The following PCDH7 variants were observed in gnomAD, a reference collection of about 807,000 sequenced individuals.
The protein encoded by PCDH7 is protocadherin-7.
In PCDH7, 17 loss-of-function variants were observed where a neutral mutation model predicts 58.9. The ratio of observed to expected loss-of-function variants is 0.29; its 90% CI spans 0.20 to 0.43. PCDH7 has a LOEUF of 0.43. PCDH7 is among the 20% of genes least tolerant of loss of function. PCDH7 has a pLI of 1.00. For missense variants in PCDH7, 1,274 were observed against 1,441.0 expected (o/e 0.88, Z 1.88); for synonymous variants, 664 against 616.4 (o/e 1.08, Z -1.14).
intron 1 of PCDH7, among the ~76,000 whole-genome samples, chr4:30,726,068 C>A (rs1159321672): frequency 3.3e-5 from 5 of 151,990 alleles, no homozygotes; most frequent in Non-Finnish European, 7.4e-5. Context: ...TTTAAACCAA[C>A]ATTTGACATA....
chr4:31,055,826 C>T (rs1214175702), intron 3 of PCDH7, among the ~76,000 whole-genome samples: 4 of 152,044 alleles, frequency 2.6e-5, no homozygotes, highest in African/African-American at 7.2e-5. Context: ...ATCCACCCAC[C>T]TCGGCCTCCC....
intron 3 of PCDH7, among the ~76,000 whole-genome samples, chr4:31,079,390 T>G (rs1298962802): frequency 7.7e-6 from 1 of 129,852 alleles, no homozygotes; most frequent in Non-Finnish European, 1.6e-5. Flanking sequence ...ATAGACAGAA[T>G]AGCAGTGGAT....
intron 3 of PCDH7, among the ~76,000 whole-genome samples, chr4:31,026,709 T>A (rs143792559): frequency 1.3e-5 from 2 of 152,276 alleles, no homozygotes; most frequent in African/African-American, 2.4e-5. Flanking sequence ...ACACCTCTTA[T>A]TTTTGCCATA....
chr4:30,967,801 C>A (rs73214957), intron 3 of PCDH7, among the ~76,000 whole-genome samples: 1 of 152,042 alleles, frequency 6.6e-6, no homozygotes, highest in African/African-American at 2.4e-5. Context: ...ACATTTAGTA[C>A]CCAATCTATA....
chr4:31,071,752 A>G (rs1758557941), intron 3 of PCDH7, among the ~76,000 whole-genome samples: 1 of 151,902 alleles, frequency 6.6e-6, no homozygotes, highest in African/African-American at 2.4e-5. Context: ...CTCGCATTTC[A>G]TTTAGGTTTA....
At chr4:31,024,111 T>G (rs1418492724) in intron 3 of PCDH7, among the ~76,000 whole-genome samples, 3 of 152,060 alleles carry the variant, frequency 2.0e-5, no homozygotes, top group Non-Finnish European at 4.4e-5. Context: ...TTGAAGAGAG[T>G]TCTGTGTTTG....
intron 3 of PCDH7, among the ~76,000 whole-genome samples, chr4:31,064,900 T>A (rs2109243409): frequency 1.3e-5 from 2 of 152,146 alleles, no homozygotes; most frequent in South Asian, 4.1e-4. Flanking sequence ...AGAATTTTAG[T>A]TCATATATTA....
intron 3 of PCDH7, among the ~76,000 whole-genome samples, chr4:30,968,417 G>A (rs73815119): frequency 4.8e-5 from 1 of 20,942 alleles, no homozygotes; most frequent in Admixed American, 6.0e-4. Context: ...TATATATATG[G>A]GATATTATGT....
At chr4:30,978,261 G>A (rs760150494) in intron 3 of PCDH7, among the ~76,000 whole-genome samples, 6 of 152,148 alleles carry the variant, frequency 3.9e-5, no homozygotes, top group Admixed American at 1.3e-4. Context: ...AATGCTGGGC[G>A]TGACCTTGGA....
intron 3 of PCDH7, among the ~76,000 whole-genome samples, chr4:30,984,803 T>G (rs977216201): frequency 2.0e-5 from 3 of 152,130 alleles, no homozygotes; most frequent in Non-Finnish European, 2.9e-5. Context: ...AATAAAATGT[T>G]TATCTTAGAG....
At chr4:31,128,105 GTATATATATACACA>G (rs1443649548) in intron 3 of PCDH7, among the ~76,000 whole-genome samples, 2 of 150,038 alleles carry the variant, frequency 1.3e-5, no homozygotes, top group African/African-American at 4.9e-5. Context: ...GTATATATGT[GTATATATATACACA>G]TATATATGTA....
intron 3 of PCDH7, among the ~76,000 whole-genome samples, chr4:31,075,872 T>C (rs1185669411): frequency 6.6e-6 from 1 of 152,152 alleles, no homozygotes; most frequent in Admixed American, 6.5e-5. Context: ...TCAGTGTATC[T>C]CCATATATCC....
At chr4:30,735,361 G>A (rs1347002826), downstream of PCDH7, among the ~76,000 whole-genome samples, 1 of 152,044 alleles carries the variant, frequency 6.6e-6, no homozygotes, top group Non-Finnish European at 1.5e-5. Context: ...AGGTGAGGCG[G>A]GGCATATCTT....
intron 3 of PCDH7, among the ~76,000 whole-genome samples, chr4:30,980,289 A>G (rs1303460074): frequency 6.6e-6 from 1 of 152,238 alleles, no homozygotes. Flanking sequence ...TAAAGTCACA[A>G]TAATCTGAAA....
chr4:31,128,660 C>A (rs948417550), intron 3 of PCDH7, among the ~76,000 whole-genome samples: 1 of 152,128 alleles, frequency 6.6e-6, no homozygotes, highest in Non-Finnish European at 1.5e-5. Context: ...CAGGTTAGTT[C>A]ATGTGTATTT....
chr4:31,082,977 G>A (rs899458663), intron 3 of PCDH7, among the ~76,000 whole-genome samples: 4 of 152,124 alleles, frequency 2.6e-5, no homozygotes, highest in South Asian at 2.1e-4. Flanking sequence ...GTGTGGTGGT[G>A]GGCACCTGTA....
intron 3 of PCDH7, among the ~76,000 whole-genome samples, chr4:31,056,109 A>G (rs974182442): frequency 7.9e-5 from 12 of 151,928 alleles, no homozygotes; most frequent in Non-Finnish European, 1.5e-4. Context: ...TGGCTCATGC[A>G]TGTAATCTCA....
chr4:30,907,398 C>A (rs1284699382), intron 1 of PCDH7, among the ~76,000 whole-genome samples: 1 of 152,100 alleles, frequency 6.6e-6, no homozygotes, highest in African/African-American at 2.4e-5. Flanking sequence ...GGAACTTAAA[C>A]AAATTTACAA....
chr4:30,950,916 T>C (rs925171370), intron 3 of PCDH7, among the ~76,000 whole-genome samples: 3 of 152,052 alleles, frequency 2.0e-5, no homozygotes, highest in African/African-American at 7.2e-5. Flanking sequence ...TCCAGCAGAG[T>C]CATAACCTAT....
Sources: gnomAD v4.1 joint callset for allele counts (sites outside exome capture counted in the v4.1 genomes callset) on GRCh38, gnomAD v4.1.1 for gene constraint, MANE v1.5 for transcripts, NCBI Gene and HGNC (gene_info 2026-07-23, HGNC 2026-07-21) for gene names.